B3GALT1: variants seen among roughly 807,000 people sequenced by gnomAD.
B3GALT1 encodes the protein UDP-Gal:betaGlcNAc beta 1,3-galactosyltransferase, polypeptide 1.
In B3GALT1, 10 loss-of-function variants were observed where a neutral mutation model predicts 23.2. The observed-to-expected ratio is 0.43, with a 90% confidence interval of 0.27 to 0.73. B3GALT1 has a LOEUF of 0.73. Among genes scored for constraint, B3GALT1 ranks in the 30% least tolerant of loss-of-function variants. The pLI, the probability that B3GALT1 is intolerant of heterozygous loss-of-function variation, is 0.21. For missense variants in B3GALT1, 299 were observed against 405.4 expected, an observed-to-expected ratio of 0.74 and a Z score of 2.25; for synonymous variants, 156 against 141.5, an observed-to-expected ratio of 1.10 and a Z score of -0.73.
chr2:167,655,406 A>G (rs1186294437), intron 3 of B3GALT1, among the ~76,000 whole-genome samples: 4 of 152,212 alleles, frequency 2.6e-5, no homozygotes, highest in African/African-American at 9.6e-5. Context: ...TTGACCTCAC[A>G]CAAATCAACC....
chr2:167,794,320 G>A lies in B3GALT1; in HGVS notation c.-351-24352G>A, dbSNP rs111767350. The stretch of plus-strand genomic sequence containing the variant: ...TATTCAAATAAGTCTGGTTGAATTT[G>A]ATGTTTTTAATAGAGAAACACACAG... On this transcript the variant is annotated intron_variant, in intron 3 of 4. Coordinates refer to ENST00000392690, the MANE Select transcript of B3GALT1 (RefSeq NM_020981.4). 7.9e-3 allele frequency among the ~76,000 whole-genome samples: 1,198 copies of A among 152,278 alleles called. 16 individuals carry two copies. Among genetic ancestry groups the A allele is most frequent in the African/African-American group, 0.027 (1,121 of 41,550 alleles).
chr2:167,451,792 A>G (rs1699096467), intron 1 of B3GALT1, among the ~76,000 whole-genome samples: 1 of 152,274 alleles, frequency 6.6e-6, no homozygotes, highest in African/African-American at 2.4e-5. Context: ...GCGGGTAGAG[A>G]AAGACCATCA....
chr2:167,382,861 C>T (rs1697864614), intron 1 of B3GALT1, among the ~76,000 whole-genome samples: 1 of 152,064 alleles, frequency 6.6e-6, no homozygotes, highest in South Asian at 2.1e-4. Flanking sequence ...ATAGATATCT[C>T]CTACCTTATT....
intron 1 of B3GALT1, among the ~76,000 whole-genome samples, chr2:167,483,424 T>C (rs1363735778): frequency 1.3e-5 from 2 of 152,212 alleles, no homozygotes; most frequent in Non-Finnish European, 2.9e-5. Flanking sequence ...AATAAGAATA[T>C]TCAAAGATAA....
intron 3 of B3GALT1, among the ~76,000 whole-genome samples, chr2:167,766,157 T>G (rs1019796331): frequency 6.6e-6 from 1 of 152,212 alleles, no homozygotes; most frequent in Non-Finnish European, 1.5e-5. Flanking sequence ...GTCACATGGC[T>G]TGGTCTGACA....
intron 3 of B3GALT1, among the ~76,000 whole-genome samples, chr2:167,703,771 G>A (rs1686919584): frequency 6.6e-6 from 1 of 152,124 alleles, no homozygotes; most frequent in Non-Finnish European, 1.5e-5. Flanking sequence ...AAAGGGCTAA[G>A]GGAAACCTCA....
At chr2:167,405,479 C>T (rs1211107579) in intron 1 of B3GALT1, among the ~76,000 whole-genome samples, 1 of 151,936 alleles carries the variant, frequency 6.6e-6, no homozygotes, top group African/African-American at 2.4e-5. Context: ...AACTCAGTTT[C>T]CTGGAGTGTT....
At chr2:167,679,710 C>T (rs1336121895) in intron 3 of B3GALT1, among the ~76,000 whole-genome samples, 4 of 152,196 alleles carry the variant, frequency 2.6e-5, no homozygotes, top group African/African-American at 2.4e-5. Flanking sequence ...CAAAGTCACC[C>T]ATCATCTCTG....
intron 1 of B3GALT1, among the ~76,000 whole-genome samples, chr2:167,486,659 A>C (rs1457185859): frequency 6.6e-6 from 1 of 152,100 alleles, no homozygotes; most frequent in Non-Finnish European, 1.5e-5. Flanking sequence ...CGAAGGTTGC[A>C]GTGAGCCGAG....
intron 2 of B3GALT1, among the ~76,000 whole-genome samples, chr2:167,548,325 C>T (rs573355684): frequency 3.9e-4 from 59 of 152,286 alleles, no homozygotes; most frequent in Non-Finnish European, 7.8e-4. Context: ...CCAACTCCAC[C>T]TCCATTATCA....
chr2:167,651,306 G>A (rs1685862451), intron 3 of B3GALT1, among the ~76,000 whole-genome samples: 1 of 151,250 alleles, frequency 6.6e-6, no homozygotes, highest in Non-Finnish European at 1.5e-5. Context: ...GTGAGAAAGA[G>A]AAAAATAGAC....
chr2:167,465,796 A>G (rs1421225773), intron 1 of B3GALT1, among the ~76,000 whole-genome samples: 1 of 152,214 alleles, frequency 6.6e-6, no homozygotes, highest in Non-Finnish European at 1.5e-5. Flanking sequence ...GTTAAACACA[A>G]TAGCACCAAG....
At chr2:167,640,558 C>T (rs980654179) in intron 2 of B3GALT1, among the ~76,000 whole-genome samples, 4 of 150,504 alleles carry the variant, frequency 2.7e-5, no homozygotes, top group African/African-American at 9.8e-5. Context: ...TTTTTTTTCC[C>T]CCTCAGAATC....
intron 4 of B3GALT1, among the ~76,000 whole-genome samples, chr2:167,825,113 G>A (rs549608530): frequency 6.6e-5 from 10 of 151,852 alleles, no homozygotes; most frequent in East Asian, 1.9e-4. Context: ...ATGAAACCCC[G>A]TCTCTATTAA....
chr2:167,583,621 T>C (rs1199726399), intron 2 of B3GALT1, among the ~76,000 whole-genome samples: 9 of 152,248 alleles, frequency 5.9e-5, no homozygotes, highest in South Asian at 4.1e-4. Flanking sequence ...TTGGGAATAT[T>C]TGAATGTCTT....
intron 2 of B3GALT1, among the ~76,000 whole-genome samples, chr2:167,513,499 A>G (rs1700059227): frequency 6.6e-6 from 1 of 152,214 alleles, no homozygotes; most frequent in Non-Finnish European, 1.5e-5. Flanking sequence ...ATATTAGAAG[A>G]CATTAAGAAA....
At chr2:167,812,711 T>C (rs1395994071) in intron 3 of B3GALT1, among the ~76,000 whole-genome samples, 1 of 152,096 alleles carries the variant, frequency 6.6e-6, no homozygotes, top group Non-Finnish European at 1.5e-5. Context: ...ATAAAAATAT[T>C]GCTGAATTGT....
At chr2:167,754,444 G>A (rs939686712) in intron 3 of B3GALT1, among the ~76,000 whole-genome samples, 20 of 152,050 alleles carry the variant, frequency 1.3e-4, no homozygotes, top group Non-Finnish European at 2.6e-4. Context: ...GCCTTTCCAC[G>A]AAATACCCCA....
intron 1 of B3GALT1, among the ~76,000 whole-genome samples, chr2:167,382,724 G>A (rs1023216585): frequency 6.6e-6 from 1 of 152,144 alleles, no homozygotes; most frequent in Non-Finnish European, 1.5e-5. Context: ...AAGAGGTAGG[G>A]CAGTGGGGGA....
Sources: gnomAD v4.1 joint callset for allele counts (sites outside exome capture counted in the v4.1 genomes callset) on GRCh38, gnomAD v4.1.1 for gene constraint, MANE v1.5 for transcripts, NCBI Gene and HGNC (gene_info 2026-07-23, HGNC 2026-07-21) for gene names.